ANO7: variants seen among roughly 807,000 people sequenced by gnomAD.
ANO7 encodes anoctamin 7.
ANO7 carries 114 observed loss-of-function variants against 115.8 expected under a neutral mutation model. The observed-to-expected ratio is 0.98, with a 90% CI of 0.85 to 1.15. The LOEUF is 1.15. Ranked by LOEUF, ANO7 falls within the 50% of genes most tolerant of loss-of-function variation. The pLI is 0.00. For missense variants in ANO7, 1,302 were observed against 1,201.2 expected (o/e 1.08, Z -1.24); for synonymous variants, 550 against 498.2 (o/e 1.10, Z -1.38).
Position 241,216,570 on chromosome 2 carries a change from G to A in ANO7, c.1972+332G>A, listed in dbSNP as rs192127563. ...AGAATTAGGAGAGCAGGCCCTGGGGGCTGACAGAAGTCCTCCAAGGGTGAA... is the reference window on the plus strand; with the variant it reads ...AGAATTAGGAGAGCAGGCCCTGGGGACTGACAGAAGTCCTCCAAGGGTGAA... On this transcript the variant is annotated intron_variant, in intron 19 of 24. Transcript: ENST00000674324. Among the ~76,000 whole-genome samples the A allele has an allele frequency of 9.2e-3, 1,408 of 152,338 alleles. 28 individuals carry two copies. Among genetic ancestry groups the A allele is most frequent in the Non-Finnish European group, 7.7e-3 (526 of 68,024 alleles).
At chr2:241,213,749 A>G (rs2068765034) in intron 17 of ANO7, among the ~76,000 whole-genome samples, 1 of 152,190 alleles carries the variant, frequency 6.6e-6, no homozygotes, top group Non-Finnish European at 1.5e-5. Flanking sequence ...CCTGGCCTGA[A>G]AGACCTCTTC....
chr2:241,216,339 A>G, intron 19 of ANO7, 101 bp downstream of exon 19: 1 of 1,398,568 alleles, frequency 7.2e-7, no homozygotes, highest in South Asian at 1.5e-5. Context: ...CTGTGTCTGC[A>G]TCTGCCCTGA....
At chr2:241,216,725 T>G (rs958642821) in intron 19 of ANO7, among the ~76,000 whole-genome samples, 1 of 152,234 alleles carries the variant, frequency 6.6e-6, no homozygotes, top group South Asian at 2.1e-4. Flanking sequence ...CCTGCACGGG[T>G]GGTGCACTCT....
the ANO7 span, chr2:241,236,883 G>A: frequency 9.6e-7 from 1 of 1,045,946 alleles, no homozygotes; most frequent in Non-Finnish European, 1.4e-6. Context: ...TAAAAGGGAG[G>A]GAAAACCACT....
chr2:241,232,247 A>T, the ANO7 span, among the ~76,000 whole-genome samples: 1 of 151,440 alleles, frequency 6.6e-6, no homozygotes, highest in Non-Finnish European at 1.5e-5. Context: ...GGTGTATTAG[A>T]TGGAATAGTC....
the ANO7 span, chr2:241,234,075 C>T: frequency 7.8e-6 from 10 of 1,287,092 alleles, no homozygotes; most frequent in South Asian, 1.3e-4. Flanking sequence ...TGTTCTGTAA[C>T]CCGTGGTCCG....
At chr2:241,194,977 CTG>C (rs2068289039) in intron 3 of ANO7, among the ~76,000 whole-genome samples, 1 of 152,206 alleles carries the variant, frequency 6.6e-6, no homozygotes, top group Non-Finnish European at 1.5e-5. Context: ...TTCCCCAGCA[CTG>C]TGTATCCTCT....
At chr2:241,189,910 GGA>G in intron 1 of ANO7, 145 bp from the exon 2 acceptor site, 2 of 607,928 alleles carry the variant, frequency 3.3e-6, no homozygotes, top group Non-Finnish European at 5.7e-6. Flanking sequence ...CTCATGGCCA[GGA>G]GAGTCTGCCG....
Position 241,218,230 on chromosome 2 carries a change from G to T in ANO7, c.2179-9G>T. On this transcript the variant is annotated splice_polypyrimidine_tract_variant and intron_variant, in intron 20 of 24. Transcript: ENST00000674324. ...GGGGCCGCCTCGCGCTGACCCCTCC[G>T]GCGCCCAGGCCTTCCTCCTGGCCTT... 6.8e-7 allele frequency: 1 copy of T among 1,473,184 alleles called. No individual in the cohort carries two copies. Among genetic ancestry groups the T allele is most frequent in the Non-Finnish European group, 9.0e-7 (1 of 1,115,534 alleles). 91.3% of individuals were successfully genotyped at this position (1,473,184 alleles called of 1,614,324 possible). A position where few individuals can be genotyped will look rare whatever the true frequency, so the allele number is the denominator to read the frequency against.
Position 241,188,709 on chromosome 2 carries a change from C to T in ANO7, c.-65C>T, listed in dbSNP as rs367625890. On this transcript the variant is annotated 5_prime_UTR_variant, in exon 1 of 25. Coordinates refer to ENST00000674324, the MANE Select transcript of ANO7 (RefSeq NM_001370694.2). This position sits in a 1 kb window ranked among gnomAD's most constrained non-coding sequence, Gnocchi z 4.3. ...ACGGGACTCTACTGCCGAGACCAGGCTCACGCTGAGAGGTGGGCCATGACC... is the reference window on the plus strand; with the variant it reads ...ACGGGACTCTACTGCCGAGACCAGGTTCACGCTGAGAGGTGGGCCATGACC... 1.2e-6 allele frequency: 2 copies of T among 1,613,570 alleles called. No individual in the cohort carries two copies. The highest frequency in any genetic ancestry group is 2.7e-5 in the African/African-American group (2 of 74,940).
chr2:241,234,000 A>C, the ANO7 span: 1 of 1,612,654 alleles, frequency 6.2e-7, no homozygotes, highest in Non-Finnish European at 8.5e-7. The surrounding 1 kb of genome is among the most constrained non-coding windows in gnomAD (Gnocchi z 4.3). Flanking sequence ...GCAAAGATTG[A>C]GCTGATCCAC....
chr2:241,238,392 G>A, the ANO7 span: 37 of 317,718 alleles, frequency 1.2e-4, no homozygotes, highest in African/African-American at 6.6e-4. This position sits in a 1 kb window ranked among gnomAD's most constrained non-coding sequence, Gnocchi z 4.9. Flanking sequence ...GAGGCTGCAC[G>A]CTCCTCATCG....
At chr2:241,216,905 C>G (rs4675822) in intron 19 of ANO7, among the ~76,000 whole-genome samples, 5,087 of 152,324 alleles carry the variant, frequency 0.033, 515 homozygotes, top group Admixed American at 0.19. Flanking sequence ...GCCATCTCGG[C>G]TCACTCCAAC....
intron 21 of ANO7, among the ~76,000 whole-genome samples, chr2:241,221,142 G>A (rs1016473138): frequency 6.6e-6 from 1 of 151,330 alleles, no homozygotes; most frequent in Non-Finnish European, 1.5e-5. Context: ...CGCGATCTTG[G>A]CTCACTGCAC....
At chr2:241,199,450 G>T in intron 5 of ANO7, 27 bp downstream of exon 5, 2 of 1,607,892 alleles carry the variant, frequency 1.2e-6, no homozygotes, top group East Asian at 2.2e-5. Flanking sequence ...GGGACAGGGT[G>T]GGCCTGGAGG....
Position 241,209,372 on chromosome 2 carries a change from C to T in ANO7, c.1165C>T (p.Arg389Trp), listed in dbSNP as rs142622065. 3.8e-4 allele frequency: 604 copies of T among 1,582,094 alleles called. 24 individuals are homozygous for T. In the South Asian group the frequency reaches 6.1e-3, roughly 16 times the overall value. Residue 389 changes from arginine to tryptophan, a missense_variant, in exon 12 of 25, where the codon CGG (arginine) becomes TGG (tryptophan). Arg to Trp is a moderately radical substitution (Grantham distance 101). Coordinates refer to ENST00000674324, the MANE Select transcript of ANO7 (RefSeq NM_001370694.2). Reference protein sequence around the residue: ...WAVLLLEYWKRKSATLAYRWD... With the variant: ...WAVLLLEYWKWKSATLAYRWD... ...CGTGCTGCTGCTGGAGTACTGGAAGCGGAAGAGCGCCACGCTGGCCTACCG... is the reference window on the plus strand; with the variant it reads ...CGTGCTGCTGCTGGAGTACTGGAAGTGGAAGAGCGCCACGCTGGCCTACCG...
At chr2:241,230,590 G>A (rs2069622265), downstream of ANO7, among the ~76,000 whole-genome samples, 4 of 152,238 alleles carry the variant, frequency 2.6e-5, no homozygotes, top group South Asian at 8.3e-4. The surrounding 1 kb of genome is among the most constrained non-coding windows in gnomAD (Gnocchi z 5.0). Context: ...CCTCACACAG[G>A]CCGTCGCCTG....
chr2:241,223,073 A>G (rs2069064262), intron 21 of ANO7, 113 bp from the exon 22 acceptor site: 1 of 924,432 alleles, frequency 1.1e-6, no homozygotes, highest in South Asian at 1.5e-5. Context: ...GGCCAGGAAC[A>G]TGGGATGAGA....
chr2:241,212,629 G>A lies in ANO7; in HGVS notation c.1728+3G>A, dbSNP rs1262354633. The A allele has an allele frequency of 1.2e-6, 2 of 1,611,932 alleles. No homozygotes were observed. Among genetic ancestry groups the A allele is most frequent in the Middle Eastern group, 1.6e-4 (1 of 6,062 alleles). On this transcript the variant is annotated splice_donor_region_variant and intron_variant, in intron 17 of 24. Coordinates refer to ENST00000674324, the MANE Select transcript of ANO7 (RefSeq NM_001370694.2). ...TGTTTGGAGTCCGCAATGAGGAGGTGAGTGTGCCTGAGGCCCGGGACTGGG... is the reference window on the plus strand; with the variant it reads ...TGTTTGGAGTCCGCAATGAGGAGGTAAGTGTGCCTGAGGCCCGGGACTGGG...
Sources: gnomAD v4.1 joint callset for allele counts (sites outside exome capture counted in the v4.1 genomes callset) on GRCh38, gnomAD v4.1.1 for gene constraint, Gnocchi (gnomAD v3.1) non-coding constraint, MANE v1.5 for transcripts, NCBI Gene and HGNC (gene_info 2026-07-23, HGNC 2026-07-21) for gene names.